PHACTR1: variants seen among roughly 807,000 people sequenced by gnomAD.
PHACTR1 encodes RPEL repeat containing 1.
A neutral mutation model predicts 69.2 loss-of-function variants in PHACTR1; 16 were observed. The observed-to-expected ratio is 0.23, with a 90% CI of 0.16 to 0.35. PHACTR1 has a LOEUF of 0.35. Ranked by LOEUF, PHACTR1 falls within the 10% of genes least tolerant of loss-of-function variation. The probability of loss-of-function intolerance (pLI) is 1.00; values close to 1 mark genes in which losing one functional copy is unlikely to be tolerated. For missense variants in PHACTR1, 510 were observed against 734.7 expected, an observed-to-expected ratio of 0.69 and a Z score of 3.54; for synonymous variants, 312 against 284.5, an observed-to-expected ratio of 1.10 and a Z score of -0.97.
intron 4 of PHACTR1, among the ~76,000 whole-genome samples, chr6:12,870,664 C>T (rs1781942909): frequency 6.6e-6 from 1 of 152,204 alleles, no homozygotes; most frequent in African/African-American, 2.4e-5. Context: ...GTGCATTTTT[C>T]TCTTTCTCCA....
At chr6:12,973,907 G>A (rs1362199200) in intron 4 of PHACTR1, among the ~76,000 whole-genome samples, 1 of 147,954 alleles carries the variant, frequency 6.8e-6, no homozygotes, top group Non-Finnish European at 1.5e-5. Context: ...AGGGGTTGAA[G>A]AGGCTGGGAT....
At chr6:12,753,970 A>ATATATATT (rs1490045072) in intron 4 of PHACTR1, among the ~76,000 whole-genome samples, 9 of 134,496 alleles carry the variant, frequency 6.7e-5, no homozygotes, top group Admixed American at 3.7e-4. Context: ...ATATATATAT[A>ATATATATT]TTTTTTTTTT....
intron 4 of PHACTR1, among the ~76,000 whole-genome samples, chr6:13,017,746 T>C (rs1424829214): frequency 1.3e-5 from 2 of 152,018 alleles, no homozygotes; most frequent in Non-Finnish European, 2.9e-5. Flanking sequence ...AATTATAATA[T>C]ATTTAATAAT....
At chr6:13,105,318 A>G (rs1211455857) in intron 5 of PHACTR1, among the ~76,000 whole-genome samples, 1 of 152,128 alleles carries the variant, frequency 6.6e-6, no homozygotes, top group East Asian at 1.9e-4. Flanking sequence ...GGTTGAGGCT[A>G]CAGTGAGCCA....
intron 4 of PHACTR1, among the ~76,000 whole-genome samples, chr6:12,902,044 T>A (rs1222857555): frequency 1.3e-5 from 2 of 151,822 alleles, no homozygotes; most frequent in Non-Finnish European, 2.9e-5. Flanking sequence ...AGCCAGGGAG[T>A]TGCTAAGCCC....
chr6:13,252,777 T>G (rs1287516579), intron 10 of PHACTR1, among the ~76,000 whole-genome samples: 4 of 152,198 alleles, frequency 2.6e-5, no homozygotes, highest in Non-Finnish European at 5.9e-5. Flanking sequence ...ACAAGGCTAT[T>G]GGCTTAAAAA....
intron 9 of PHACTR1, among the ~76,000 whole-genome samples, 166 bp from the exon 10 acceptor site, chr6:13,229,871 A>T (rs1380232158): frequency 1.3e-5 from 2 of 152,192 alleles, no homozygotes; most frequent in African/African-American, 2.4e-5. Context: ...CTAGGGGTAG[A>T]GTGTGTGGCA....
chr6:12,897,171 TC>T (rs1251218025), intron 4 of PHACTR1, among the ~76,000 whole-genome samples: 17 of 152,362 alleles, frequency 1.1e-4, no homozygotes, highest in Admixed American at 9.1e-4. Context: ...ACCCTTGGCT[TC>T]TGTGTCCCTC....
intron 4 of PHACTR1, among the ~76,000 whole-genome samples, chr6:12,776,181 T>A (rs999269375): frequency 2.0e-5 from 3 of 152,234 alleles, no homozygotes; most frequent in African/African-American, 7.2e-5. Context: ...TTTTTAAAAA[T>A]ATACAAATCC....
Position 13,278,219 on chromosome 6 carries a change from C to T in PHACTR1, c.1448-49C>T, listed in dbSNP as rs188150301. 9.2e-4 allele frequency: 1,409 copies of T among 1,534,756 alleles called. 12 individuals carry two copies. The African/African-American group carries it at 0.016, about 17-fold the overall frequency. ...CCAAGGTCCAAAGGATGCACCTGTA[C>T]ACAACACTGTTTACTGAAATAAAAA... is the stretch of plus-strand genomic sequence containing the variant. On this transcript the variant is annotated intron_variant, in intron 11 of 14. Coordinates refer to ENST00000332995, the MANE Select transcript of PHACTR1 (RefSeq NM_030948.6).
intron 4 of PHACTR1, among the ~76,000 whole-genome samples, chr6:13,005,346 C>A (rs748997815): frequency 1.2e-4 from 19 of 152,002 alleles, no homozygotes; most frequent in South Asian, 6.2e-4. Context: ...CCACATGCAT[C>A]CATACAACAT....
rs1192012119 is a variant in PHACTR1 at position 13,182,595 on chromosome 6, G to A, written c.573G>A (p.Leu191=). ...GQSLSSSQLS[L]PALSEMEPVP... ...CCCTGAGCTCCAGCCAGCTGTCTCT[G>A]CCTGCCCTGTCCGAAATGGAGCCAG... The change falls in exon 7 of 15, where the codon CTG becomes CTA. Residue 191 remains leucine, a synonymous_variant. Coordinates refer to ENST00000332995, the MANE Select transcript of PHACTR1 (RefSeq NM_030948.6). 1 of 1,613,332 alleles carries A rather than the reference G, an allele frequency of 6.2e-7. No individual in the cohort carries two copies. The highest frequency in any genetic ancestry group is 2.2e-5 in the East Asian group (1 of 44,850).
intron 10 of PHACTR1, among the ~76,000 whole-genome samples, chr6:13,262,235 A>G (rs1013261672): frequency 6.6e-6 from 1 of 152,190 alleles, no homozygotes; most frequent in African/African-American, 2.4e-5. Flanking sequence ...TGAAGTTCAG[A>G]CAGGATGATT....
At chr6:12,754,946 G>A (rs1038567796) in intron 4 of PHACTR1, among the ~76,000 whole-genome samples, 2 of 152,160 alleles carry the variant, frequency 1.3e-5, no homozygotes, top group African/African-American at 2.4e-5. Context: ...GAGTATCCAC[G>A]CATTTTGTTA....
chr6:13,194,132 C>T (rs1257155903), intron 7 of PHACTR1, among the ~76,000 whole-genome samples: 3 of 152,142 alleles, frequency 2.0e-5, no homozygotes, highest in African/African-American at 7.2e-5. Flanking sequence ...GGGCTGGGCG[C>T]GATGGCTCAC....
chr6:13,072,318 T>A (rs764435962), intron 5 of PHACTR1, among the ~76,000 whole-genome samples: 1 of 152,242 alleles, frequency 6.6e-6, no homozygotes, highest in Non-Finnish European at 1.5e-5. Context: ...ACAGCATGCC[T>A]ATGGAAGGTC....
intron 4 of PHACTR1, among the ~76,000 whole-genome samples, chr6:13,038,663 C>A (rs1348082908): frequency 6.6e-6 from 1 of 152,158 alleles, no homozygotes; most frequent in Admixed American, 6.5e-5. Context: ...CAAGTTACTT[C>A]TTTGCATTAG....
intron 4 of PHACTR1, among the ~76,000 whole-genome samples, chr6:13,021,793 C>T (rs1293184516): frequency 6.6e-6 from 1 of 152,214 alleles, no homozygotes. Flanking sequence ...AGAGTTAACT[C>T]AGTCCACTTA....
intron 4 of PHACTR1, among the ~76,000 whole-genome samples, chr6:12,885,854 G>A (rs1783582466): frequency 6.6e-6 from 1 of 152,192 alleles, no homozygotes; most frequent in Admixed American, 6.5e-5. Flanking sequence ...TGGCACTTTG[G>A]GAGGCCGAGG....
Sources: gnomAD v4.1 joint callset for allele counts (sites outside exome capture counted in the v4.1 genomes callset) on GRCh38, gnomAD v4.1.1 for gene constraint, MANE v1.5 for transcripts, NCBI Gene and HGNC (gene_info 2026-07-23, HGNC 2026-07-21) for gene names.